SYNE2: variants seen among roughly 807,000 people sequenced by gnomAD.
The protein encoded by SYNE2 is nesprin-2.
A neutral mutation model predicts 856.3 loss-of-function variants in SYNE2; 431 were observed. The observed-to-expected ratio is 0.50, with a 90% CI of 0.47 to 0.55. The LOEUF is 0.55. Ranked by LOEUF, SYNE2 falls within the 20% of genes least tolerant of loss-of-function variation. SYNE2 has a pLI of 0.00. For missense variants in SYNE2, 8,129 were observed against 8,023.2 expected (o/e 1.01, Z -0.50); for synonymous variants, 2,923 against 2,872.3 (o/e 1.02, Z -0.56).
At chr14:64,142,766 G>C (rs1054999556) in intron 82 of SYNE2, among the ~76,000 whole-genome samples, 1 of 152,166 alleles carries the variant, frequency 6.6e-6, no homozygotes. Flanking sequence ...AATGTTCTTT[G>C]AGTAAGAGAA....
At chr14:63,855,517 T>C (rs890834688) in intron 1 of SYNE2, among the ~76,000 whole-genome samples, 5 of 152,188 alleles carry the variant, frequency 3.3e-5, no homozygotes, top group African/African-American at 1.2e-4. Context: ...TTGGACTTGT[T>C]GTGCGCTGCC....
chr14:63,926,235 A>G (rs920710727), intron 2 of SYNE2, among the ~76,000 whole-genome samples: 1 of 147,856 alleles, frequency 6.8e-6, no homozygotes, highest in African/African-American at 2.5e-5. Flanking sequence ...TCCACCTCCA[A>G]TCTCACCCCC....
chr14:64,107,280 A>G lies in SYNE2; in HGVS notation c.12493-211A>G, dbSNP rs544813574. 2.6e-5 allele frequency among the ~76,000 whole-genome samples: 4 copies of G among 152,360 alleles called. No individual in the cohort carries two copies. The South Asian group carries it at 8.3e-4, about 32-fold the overall frequency. On this transcript the variant is annotated intron_variant, in intron 64 of 115. Coordinates refer to ENST00000555002, the MANE Select transcript of SYNE2 (RefSeq NM_182914.3). ...TGTTTATGTGCTCATTAAGAAGAGA[A>G]GTGTGGAGAATGCAAGTCTTTCAAA...
intron 2 of SYNE2, among the ~76,000 whole-genome samples, chr14:63,933,444 T>A (rs2095791201): frequency 6.6e-6 from 1 of 152,220 alleles, no homozygotes; most frequent in South Asian, 2.1e-4. Flanking sequence ...GGATATGAGT[T>A]GCCCGCTCAC....
chr14:64,181,743 A>G (rs920153372), intron 96 of SYNE2, among the ~76,000 whole-genome samples: 5 of 152,146 alleles, frequency 3.3e-5, no homozygotes, highest in Non-Finnish European at 5.9e-5. Flanking sequence ...CAAAAAGAAA[A>G]AGATAAAAGA....
At chr14:64,123,506 T>C (rs765005862) in intron 70 of SYNE2, among the ~76,000 whole-genome samples, 6 of 152,228 alleles carry the variant, frequency 3.9e-5, no homozygotes, top group Non-Finnish European at 7.3e-5. Context: ...AGTTGGCCCT[T>C]AACCTTGGTT....
intron 10 of SYNE2, 100 bp downstream of exon 10, chr14:63,964,100 T>A: frequency 1.3e-6 from 1 of 778,778 alleles, no homozygotes; most frequent in Non-Finnish European, 2.1e-6. Flanking sequence ...TTTTAAGTAT[T>A]AAATTCACTG....
At chr14:64,040,391 G>A (rs772045066) in intron 45 of SYNE2, among the ~76,000 whole-genome samples, 15 of 151,646 alleles carry the variant, frequency 9.9e-5, no homozygotes, top group Non-Finnish European at 2.9e-5. Flanking sequence ...AGTACTTTGA[G>A]AACAAAAGGA....
chr14:63,865,991 C>T (rs1566650423), intron 1 of SYNE2, among the ~76,000 whole-genome samples: 1 of 152,062 alleles, frequency 6.6e-6, no homozygotes, highest in Admixed American at 6.5e-5. Flanking sequence ...CTTCAATTTT[C>T]TTTTCATGGA....
At chr14:64,101,808 T>C in intron 63 of SYNE2, 124 bp from the exon 64 acceptor site, 1 of 724,896 alleles carries the variant, frequency 1.4e-6, no homozygotes, top group Non-Finnish European at 2.5e-6. Context: ...AGGACTGCAA[T>C]AAAGGGCTGT....
chr14:64,146,104 G>T lies in SYNE2; in HGVS notation c.15520G>T (p.Glu5174Ter). Reference protein sequence around the residue: ...HLEQLLESITESENKIQILNN... With the variant: ...HLEQLLESIT ...AGAACAACTTCTAGAAAGTATCACT[G>T]AGAGTGAAAATAAAATACAGATCTT... is the stretch of plus-strand genomic sequence containing the variant. The change falls in exon 84 of 116, where the codon GAG (glutamate) becomes TAG (stop). Residue 5174 changes from glutamate to a stop codon, truncating the protein, a stop_gained. Transcript: ENST00000555002. LOFTEE classifies it high-confidence loss of function. The T allele has an allele frequency of 6.3e-7, 1 of 1,596,750 alleles. No individual in the cohort carries two copies. The highest frequency in any genetic ancestry group is 1.1e-5 in the South Asian group (1 of 89,264).
intron 32 of SYNE2, among the ~76,000 whole-genome samples, chr14:64,011,953 C>T (rs2096849560): frequency 6.6e-6 from 1 of 152,206 alleles, no homozygotes; most frequent in African/African-American, 2.4e-5. Context: ...TGGACCTCAC[C>T]TCTGTCCTCA....
intron 28 of SYNE2, among the ~76,000 whole-genome samples, chr14:64,000,963 C>A (rs2096749608): frequency 6.6e-6 from 1 of 152,154 alleles, no homozygotes; most frequent in African/African-American, 2.4e-5. Flanking sequence ...TTAAGGTCTG[C>A]CAAAGTTCAG....
intron 27 of SYNE2, 133 bp from the exon 28 acceptor site, chr14:64,000,429 T>A: frequency 1.2e-6 from 1 of 837,602 alleles, no homozygotes; most frequent in Non-Finnish European, 2.0e-6. Context: ...GGTTGGAAAG[T>A]ATTTTTAAAC....
At chr14:63,876,924 G>A (rs1177660092) in intron 1 of SYNE2, among the ~76,000 whole-genome samples, 2 of 152,170 alleles carry the variant, frequency 1.3e-5, no homozygotes, top group African/African-American at 4.8e-5. Flanking sequence ...TACTCAGCCT[G>A]TTACTTAGTC....
chr14:63,979,687 T>C (rs1264219447), intron 14 of SYNE2, among the ~76,000 whole-genome samples: 1 of 152,090 alleles, frequency 6.6e-6, no homozygotes, highest in Non-Finnish European at 1.5e-5. Context: ...CCAAGGCAGG[T>C]GGATTGCCTG....
intron 50 of SYNE2, among the ~76,000 whole-genome samples, chr14:64,065,031 A>AGG (rs2097347930): frequency 5.9e-5 from 9 of 151,922 alleles, no homozygotes; most frequent in Admixed American, 5.9e-4. Context: ...CGCCCAGCTA[A>AGG]ATTTTGTGTT....
At chr14:63,861,674 G>C (rs56021748) in intron 1 of SYNE2, among the ~76,000 whole-genome samples, 2 of 151,820 alleles carry the variant, frequency 1.3e-5, no homozygotes, top group Non-Finnish European at 2.9e-5. Flanking sequence ...ATAGTCCCAG[G>C]TACTAGGGAG....
At chr14:63,819,671 G>C (rs1248959788) in intron 1 of SYNE2, among the ~76,000 whole-genome samples, 1 of 151,902 alleles carries the variant, frequency 6.6e-6, no homozygotes, top group Non-Finnish European at 1.5e-5. Context: ...CAAGTAGCTG[G>C]GACTACAGGC....
Sources: allele counts gnomAD v4.1 joint callset (sites outside exome capture counted in the v4.1 genomes callset), GRCh38; gene constraint gnomAD v4.1.1; transcripts MANE v1.5; gene names NCBI Gene and HGNC (gene_info 2026-07-23, HGNC 2026-07-21).